The following HDAC9 variants were observed in gnomAD, a reference collection of about 807,000 sequenced individuals.
HDAC9 encodes histone deacetylase 9.
Under a neutral mutation model 139.4 loss-of-function variants are expected in HDAC9, and 41 were observed. The ratio of observed to expected loss-of-function variants is 0.29; its 90% CI spans 0.23 to 0.38. The LOEUF (loss-of-function observed/expected upper bound fraction) is 0.38. HDAC9 is among the 10% of genes least tolerant of loss of function. HDAC9 has a pLI of 1.00. For missense variants in HDAC9, 1,147 were observed against 1,297.0 expected, an observed-to-expected ratio of 0.88 and a Z score of 1.78; for synonymous variants, 517 against 476.2, an observed-to-expected ratio of 1.09 and a Z score of -1.12.
chr7:18,200,202 A>G (rs1390044785), intron 2 of HDAC9, among the ~76,000 whole-genome samples: 1 of 152,248 alleles, frequency 6.6e-6, no homozygotes, highest in Non-Finnish European at 1.5e-5. Flanking sequence ...AGGTCTGTTC[A>G]GACTGCAGTT....
chr7:18,361,990 A>C (rs984918118), intron 1 of HDAC9, among the ~76,000 whole-genome samples: 1 of 152,186 alleles, frequency 6.6e-6, no homozygotes, highest in South Asian at 2.1e-4. Context: ...GTGCTGACTC[A>C]GCATGGGCCA....
At chr7:18,760,129 A>C (rs1789252467) in intron 14 of HDAC9, among the ~76,000 whole-genome samples, 1 of 152,124 alleles carries the variant, frequency 6.6e-6, no homozygotes, top group Admixed American at 6.6e-5. Flanking sequence ...AGACCCATAG[A>C]AGGAGGAGCT....
chr7:18,910,340 C>G (rs1802634330), intron 22 of HDAC9, among the ~76,000 whole-genome samples: 1 of 151,812 alleles, frequency 6.6e-6, no homozygotes, highest in South Asian at 2.1e-4. Context: ...TTCTTGATTT[C>G]TTTTTCAGGT....
intron 21 of HDAC9, among the ~76,000 whole-genome samples, chr7:18,859,790 A>C (rs1447768732): frequency 7.3e-6 from 1 of 136,632 alleles, no homozygotes; most frequent in Non-Finnish European, 1.6e-5. Context: ...TCTTGAGAAG[A>C]AATATAAAGG....
chr7:18,586,177 A>G (rs1226868718), intron 3 of HDAC9, among the ~76,000 whole-genome samples: 3 of 152,180 alleles, frequency 2.0e-5, no homozygotes, highest in Non-Finnish European at 2.9e-5. Flanking sequence ...TTTAGCACAA[A>G]TATATCCATA....
At chr7:18,133,939 C>CACAT (rs1785206604) in intron 1 of HDAC9, among the ~76,000 whole-genome samples, 2 of 151,042 alleles carry the variant, frequency 1.3e-5, no homozygotes, top group African/African-American at 2.4e-5. Flanking sequence ...CGTGCACACA[C>CACAT]ACACACACAC....
Position 18,505,220 on chromosome 7 carries a change from G to C in HDAC9, c.22+8896G>C, listed in dbSNP as rs137976200. ...TGTTTGCCAGTGTTCATGATACACA[G>C]ATCATGAGGGTAAAGTTAGCCCCGC... On this transcript the variant is annotated intron_variant, in intron 2 of 25. Transcript: ENST00000686413. Among the ~76,000 whole-genome samples, 301 of 152,326 alleles carry C rather than the reference G, an allele frequency of 2.0e-3. 1 individual carries two copies. The highest frequency in any genetic ancestry group is 6.8e-3 in the Middle Eastern group (2 of 294).
intron 21 of HDAC9, among the ~76,000 whole-genome samples, chr7:18,858,604 C>T (rs574767555): frequency 6.6e-6 from 1 of 152,134 alleles, no homozygotes; most frequent in African/African-American, 2.4e-5. Context: ...GTTAACATTT[C>T]CTATCTAGAA....
At chr7:18,822,478 C>T (rs1795059086) in intron 17 of HDAC9, among the ~76,000 whole-genome samples, 1 of 152,142 alleles carries the variant, frequency 6.6e-6, no homozygotes, top group Non-Finnish European at 1.5e-5. Flanking sequence ...CCTCAGACTC[C>T]CGACTAGTTG....
intron 21 of HDAC9, among the ~76,000 whole-genome samples, chr7:18,867,013 C>T (rs1440980991): frequency 6.6e-6 from 1 of 152,168 alleles, no homozygotes; most frequent in African/African-American, 2.4e-5. Context: ...AAGTGGAATT[C>T]TTTTCTGCTT....
At position 18,559,406 on chromosome 7, in the gene HDAC9, G is replaced by A. The variant is rs76631225; in HGVS notation, c.23-25875G>A. Among the ~76,000 whole-genome samples the A allele has an allele frequency of 4.4e-3, 662 of 152,148 alleles. 7 individuals are homozygous for A. The highest frequency in any genetic ancestry group is 0.015 in the African/African-American group (619 of 41,518). On this transcript the variant is annotated intron_variant, in intron 2 of 25. Coordinates refer to ENST00000686413, the MANE Select transcript of HDAC9 (RefSeq NM_178425.4). The stretch of plus-strand genomic sequence containing the variant: ...GGCTTGAGTGAGAAACCAATCGATC[G>A]TATCTCCAAAACTTCTGGAAACATA...
intron 11 of HDAC9, among the ~76,000 whole-genome samples, chr7:18,664,078 T>C (rs921330469): frequency 2.6e-5 from 4 of 152,174 alleles, no homozygotes; most frequent in African/African-American, 7.2e-5. Flanking sequence ...AACTTTGTAG[T>C]CAAAATTTAG....
At chr7:18,570,681 C>A (rs1823988608) in intron 2 of HDAC9, among the ~76,000 whole-genome samples, 1 of 152,206 alleles carries the variant, frequency 6.6e-6, no homozygotes, top group East Asian at 1.9e-4. Context: ...CTGTGGCCTC[C>A]ATTTTCCTCA....
intron 12 of HDAC9, among the ~76,000 whole-genome samples, chr7:18,692,854 T>G (rs1459483405): frequency 6.6e-6 from 1 of 152,088 alleles, no homozygotes; most frequent in Non-Finnish European, 1.5e-5. Flanking sequence ...TGTCCTGTTA[T>G]TTTTTTGTGG....
At chr7:18,366,046 A>G (rs540838715) in intron 1 of HDAC9, among the ~76,000 whole-genome samples, 2 of 151,932 alleles carry the variant, frequency 1.3e-5, no homozygotes, top group South Asian at 2.1e-4. Flanking sequence ...TGAAAAATCA[A>G]ATGGCAGGCT....
chr7:18,648,966 A>G (rs1788333895), intron 11 of HDAC9, among the ~76,000 whole-genome samples: 2 of 152,186 alleles, frequency 1.3e-5, no homozygotes, highest in Non-Finnish European at 2.9e-5. Flanking sequence ...GGGCATATGT[A>G]TATGGAGCCT....
chr7:18,970,864 T>C (rs1585438618), intron 24 of HDAC9, among the ~76,000 whole-genome samples: 2 of 152,216 alleles, frequency 1.3e-5, no homozygotes, highest in Middle Eastern at 3.4e-3. Flanking sequence ...AAAATGATGA[T>C]GGAATGAGGG....
intron 1 of HDAC9, among the ~76,000 whole-genome samples, chr7:18,388,398 A>T (rs1393784640): frequency 6.6e-6 from 1 of 152,148 alleles, no homozygotes; most frequent in Non-Finnish European, 1.5e-5. Context: ...CTGAAGCCCC[A>T]ATATTGTTTT....
intron 21 of HDAC9, among the ~76,000 whole-genome samples, chr7:18,862,812 T>A (rs748918824): frequency 6.6e-6 from 1 of 152,102 alleles, no homozygotes; most frequent in Non-Finnish European, 1.5e-5. Flanking sequence ...AGAAGAATTA[T>A]GAAGACAGAA....
Sources: allele counts gnomAD v4.1 joint callset (sites outside exome capture counted in the v4.1 genomes callset), GRCh38; gene constraint gnomAD v4.1.1; transcripts MANE v1.5; gene names NCBI Gene and HGNC (gene_info 2026-07-23, HGNC 2026-07-21).